The following NBAS variants were observed in gnomAD, a reference collection of about 807,000 sequenced individuals.
NBAS encodes NAG/BC035112 fusion.
A neutral mutation model predicts 302.5 loss-of-function variants in NBAS; 219 were observed. The ratio of observed to expected loss-of-function variants is 0.72; its 90% CI spans 0.65 to 0.81. The LOEUF (loss-of-function observed/expected upper bound fraction) is 0.81. NBAS is among the 30% of genes least tolerant of loss of function. NBAS has a pLI of 0.00. For synonymous variants in NBAS, 1,118 were observed against 1,021.6 expected, an observed-to-expected ratio of 1.09 and a Z score of -1.80; for missense variants, 2,932 against 2,841.6, an observed-to-expected ratio of 1.03 and a Z score of -0.72.
intron 26 of NBAS, among the ~76,000 whole-genome samples, chr2:15,400,314 G>C (rs1346867612): frequency 1.3e-5 from 2 of 151,236 alleles, no homozygotes; most frequent in African/African-American, 4.9e-5. Context: ...GAGGGTGATG[G>C]AAAAAAAGAA....
the NBAS span, among the ~76,000 whole-genome samples, chr2:15,058,549 G>T: frequency 2.0e-5 from 3 of 152,200 alleles, no homozygotes; most frequent in Non-Finnish European, 2.9e-5. Context: ...ACATAAGGTT[G>T]AAGTTCCCAG....
the NBAS span, among the ~76,000 whole-genome samples, chr2:14,957,920 C>T: frequency 6.6e-6 from 1 of 152,138 alleles, no homozygotes; most frequent in Admixed American, 6.5e-5. Flanking sequence ...CAAGTTTACT[C>T]ATCTAGTAAA....
intron 21 of NBAS, among the ~76,000 whole-genome samples, chr2:15,448,154 A>T (rs143927254): frequency 6.6e-6 from 1 of 152,216 alleles, no homozygotes; most frequent in Admixed American, 6.5e-5. Context: ...TCATCAGTCG[A>T]ACTACAGCAA....
chr2:15,292,653 T>C lies in NBAS; in HGVS notation c.4911A>G (p.Glu1637=), dbSNP rs757008384. 7 of 1,614,110 alleles carry C rather than the reference T, an allele frequency of 4.3e-6. No homozygotes were observed. In the Admixed American group the frequency reaches 1.2e-4, roughly 27 times the overall value. ...SLTKQLHCYN[E]RLLDFTQAQI... ...GCGCCTGAGTGAAATCCAGGAGACG[T>C]TCATTGTAGCAGTGTAACTGCTTGG... is the stretch of plus-strand genomic sequence containing the variant. The change falls in exon 41 of 52, where the codon GAA becomes GAG. Residue 1637 remains glutamate (E), a synonymous_variant. Transcript: ENST00000281513.
the NBAS span, among the ~76,000 whole-genome samples, chr2:14,908,894 T>C: frequency 2.6e-5 from 4 of 152,016 alleles, no homozygotes; most frequent in Admixed American, 6.6e-5. Flanking sequence ...CTCTGAGCCA[T>C]AGCTATGTGT....
At chr2:14,940,924 G>A in the NBAS span, among the ~76,000 whole-genome samples, 3 of 152,194 alleles carry the variant, frequency 2.0e-5, no homozygotes, top group African/African-American at 7.2e-5. Context: ...CTCAAGAGAT[G>A]GTAAATCCTC....
the NBAS span, among the ~76,000 whole-genome samples, chr2:15,089,392 T>C: frequency 5.3e-5 from 8 of 152,172 alleles, no homozygotes; most frequent in Non-Finnish European, 8.8e-5. Context: ...AATCTGAGAA[T>C]TGGGAGAGAC....
chr2:15,406,287 T>G (rs1006579335), intron 25 of NBAS, among the ~76,000 whole-genome samples: 2 of 152,022 alleles, frequency 1.3e-5, no homozygotes, highest in African/African-American at 4.8e-5. Context: ...GAAATTTAGG[T>G]ATATGACAAA....
At position 15,275,768 on chromosome 2, in the gene NBAS, A is replaced by G. The variant is rs141034921; in HGVS notation, c.5440T>C (p.Leu1814=). ...TDENMSPLEA[L]EPVLSSQNIL... ...TTTTGACTTGAAAGAACTGGCTCCA[A>G]TGCTTCAAGAGGACTCATGTTTTCA... Residue 1814 remains leucine (L), a synonymous_variant, in exon 44 of 52, where the codon TTG becomes CTG. Coordinates refer to ENST00000281513, the MANE Select transcript of NBAS (RefSeq NM_015909.4). 1.5e-3 allele frequency: 2,501 copies of G among 1,614,146 alleles called. 12 individuals carry two copies. Among genetic ancestry groups the G allele is most frequent in the Middle Eastern group, 6.8e-3 (41 of 6,062 alleles).
chr2:15,288,315 G>A (rs779308186), intron 41 of NBAS, among the ~76,000 whole-genome samples: 2 of 152,154 alleles, frequency 1.3e-5, no homozygotes, highest in African/African-American at 2.4e-5. Flanking sequence ...TAAATATAGC[G>A]GTGGTAGAGC....
the NBAS span, among the ~76,000 whole-genome samples, chr2:14,936,639 C>T: frequency 6.6e-6 from 1 of 152,204 alleles, no homozygotes; most frequent in Admixed American, 6.5e-5. Flanking sequence ...AGGGTGGTGT[C>T]TCCATGCTCT....
intron 10 of NBAS, among the ~76,000 whole-genome samples, chr2:15,509,418 C>G (rs1978371): frequency 0.59 from 89,660 of 151,960 alleles, 27,057 homozygotes; most frequent in Middle Eastern, 0.63. Flanking sequence ...AAAGGCATAT[C>G]CACAGTACTG....
the NBAS span, among the ~76,000 whole-genome samples, chr2:15,104,263 G>C: frequency 6.6e-6 from 1 of 152,242 alleles, no homozygotes; most frequent in South Asian, 2.1e-4. Context: ...CAGCCATGTG[G>C]AACTGTGAGT....
At chr2:15,312,678 C>G (rs952107741) in intron 38 of NBAS, among the ~76,000 whole-genome samples, 1 of 152,212 alleles carries the variant, frequency 6.6e-6, no homozygotes, top group Non-Finnish European at 1.5e-5. Flanking sequence ...TTGTTGGACA[C>G]TGCCACTCAA....
chr2:14,889,526 C>G, the NBAS span, among the ~76,000 whole-genome samples: 1 of 152,176 alleles, frequency 6.6e-6, no homozygotes, highest in African/African-American at 2.4e-5. Flanking sequence ...GCTGGACCCC[C>G]AGAACAGATT....
At chr2:15,088,614 G>A in the NBAS span, among the ~76,000 whole-genome samples, 5 of 152,206 alleles carry the variant, frequency 3.3e-5, no homozygotes, top group African/African-American at 9.6e-5. Flanking sequence ...CACTGCAAGT[G>A]GTTTGCAGGA....
intron 48 of NBAS, among the ~76,000 whole-genome samples, chr2:15,193,769 G>A (rs1188261810): frequency 6.6e-6 from 1 of 152,048 alleles, no homozygotes; most frequent in Non-Finnish European, 1.5e-5. Context: ...AATTCAAAAT[G>A]AATTTTTGTG....
the NBAS span, among the ~76,000 whole-genome samples, chr2:15,146,613 G>A: frequency 2.0e-5 from 3 of 152,094 alleles, no homozygotes; most frequent in Non-Finnish European, 4.4e-5. Flanking sequence ...TGACCTGCCC[G>A]AAGAACGTCC....
the NBAS span, among the ~76,000 whole-genome samples, chr2:14,945,139 C>T: frequency 6.6e-6 from 1 of 152,174 alleles, no homozygotes; most frequent in Non-Finnish European, 1.5e-5. Flanking sequence ...GCAGGAACCC[C>T]TAGCCAAGTT....
Sources: allele counts gnomAD v4.1 joint callset (sites outside exome capture counted in the v4.1 genomes callset), GRCh38; gene constraint gnomAD v4.1.1; transcripts MANE v1.5; gene names NCBI Gene and HGNC (gene_info 2026-07-23, HGNC 2026-07-21).